Variants in SOS1 observed in about 807,000 individuals in gnomAD.
The protein encoded by SOS1 is SOS Ras/Rac guanine nucleotide exchange factor 1, also known as son of sevenless homolog 1.
A neutral mutation model predicts 157.6 loss-of-function variants in SOS1; 25 were observed. The ratio of observed to expected loss-of-function variants is 0.16; its 90% CI spans 0.12 to 0.22. The LOEUF is 0.22. Ranked by LOEUF, SOS1 falls within the 10% of genes least tolerant of loss-of-function variation. The pLI, the probability that SOS1 is intolerant of heterozygous loss-of-function variation, is 1.00. For missense variants in SOS1, 1,237 were observed against 1,599.1 expected (o/e 0.77, Z 3.86); for synonymous variants, 528 against 534.0 (o/e 0.99, Z 0.16).
intron 1 of SOS1, among the ~76,000 whole-genome samples, chr2:39,110,998 C>A (rs1019391979): frequency 6.6e-6 from 1 of 152,012 alleles, no homozygotes; most frequent in Non-Finnish European, 1.5e-5. Flanking sequence ...TTTGGGAGGG[C>A]GAGGCAGGTG....
At chr2:39,105,500 T>G (rs921454721) in intron 1 of SOS1, among the ~76,000 whole-genome samples, 2 of 152,170 alleles carry the variant, frequency 1.3e-5, no homozygotes, top group Non-Finnish European at 2.9e-5. Context: ...AGATTTTTTT[T>G]GAACACCACA....
intron 17 of SOS1, among the ~76,000 whole-genome samples, 181 bp from the exon 18 acceptor site, chr2:38,997,606 A>ATTTT (rs4015854): frequency 3.4e-5 from 5 of 146,340 alleles, no homozygotes; most frequent in Middle Eastern, 3.5e-3. Flanking sequence ...AAAGACTTAA[A>ATTTT]TTTTTTTTTT....
chr2:38,985,986 T>G lies in SOS1; in HGVS notation c.3840A>C (p.Gln1280His), dbSNP rs1668544183. The G allele has an allele frequency of 6.2e-7, 1 of 1,613,870 alleles. No individual in the cohort carries two copies. The highest frequency in any genetic ancestry group is 1.1e-5 in the South Asian group (1 of 91,086). The change falls in exon 23 of 23, where the codon CAA (glutamine) becomes CAC (histidine). Residue 1280 changes from glutamine to histidine, a missense_variant. Physicochemically the swap from Gln to His is conservative, Grantham distance 24 (BLOSUM62 0). Transcript: ENST00000402219. ...CAGCAATGGAATGAAGGTCCACTTCTTGTGTCAATGGTGGTGATGGCAGAT... is the reference window on the plus strand; with the variant it reads ...CAGCAATGGAATGAAGGTCCACTTCGTGTGTCAATGGTGGTGATGGCAGAT... ...RRHLPSPPLT[Q>H]EVDLHSIAGP...
At position 39,120,419 on chromosome 2, in the gene SOS1, G is replaced by C. The variant is rs587781174; in HGVS notation, c.4C>G (p.Gln2Glu). 6.3e-7 allele frequency: 1 copy of C among 1,587,484 alleles called. No individual in the cohort carries two copies. The highest frequency in any genetic ancestry group is 8.6e-7 in the Non-Finnish European group (1 of 1,168,894). The change falls in exon 1 of 23, where the codon CAG becomes GAG. Residue 2 changes from glutamine to glutamate, a missense_variant. Physicochemically the swap from Gln to Glu is conservative, Grantham distance 29 (BLOSUM62 2). This residue lies in a region of SOS1 where 99 missense variants were observed against 81.6 expected (regional missense o/e 1.21). Coordinates refer to ENST00000402219, the MANE Select transcript of SOS1 (RefSeq NM_005633.4). Reference sequence around the variant, plus strand: ...AACTCGTAGGGCAGCTGCTGCGCCTGCATGGTGCCCCCGGGGCGCCTCTGG... The same window carrying C: ...AACTCGTAGGGCAGCTGCTGCGCCTCCATGGTGCCCCCGGGGCGCCTCTGG... M[Q>E]AQQLPYEFFS...
At chr2:39,064,268 T>TA (rs1394052841) in intron 2 of SOS1, among the ~76,000 whole-genome samples, 1 of 152,218 alleles carries the variant, frequency 6.6e-6, no homozygotes, top group East Asian at 1.9e-4. Flanking sequence ...TTACCTCACA[T>TA]AGTTATTTTT....
chr2:39,054,872 T>C, intron 4 of SOS1, 49 bp from the exon 5 acceptor site: 2 of 981,536 alleles, frequency 2.0e-6, no homozygotes, highest in Admixed American at 1.8e-5. Flanking sequence ...GAAGCTTTCG[T>C]AGAATTTGAT....
At chr2:39,057,136 AG>A (rs1423645929) in intron 3 of SOS1, among the ~76,000 whole-genome samples, 3 of 152,198 alleles carry the variant, frequency 2.0e-5, no homozygotes, top group Non-Finnish European at 4.4e-5. Flanking sequence ...TAACCTATAA[AG>A]GAAGGCCCAA....
upstream of SOS1, among the ~76,000 whole-genome samples, chr2:39,123,065 C>T (rs1248950032): frequency 6.6e-6 from 1 of 152,188 alleles, no homozygotes; most frequent in African/African-American, 2.4e-5. Flanking sequence ...CCTCACCACA[C>T]TCCAGTCACA....
chr2:39,077,113 C>A (rs1672031440), intron 1 of SOS1, among the ~76,000 whole-genome samples: 1 of 152,056 alleles, frequency 6.6e-6, no homozygotes, highest in Non-Finnish European at 1.5e-5. Flanking sequence ...GAGGCCAAGG[C>A]AGGTGGATCA....
intron 17 of SOS1, among the ~76,000 whole-genome samples, chr2:39,004,568 A>G (rs1669224686): frequency 6.6e-6 from 1 of 152,126 alleles, no homozygotes; most frequent in Non-Finnish European, 1.5e-5. Flanking sequence ...AGAGTTAAAT[A>G]TAATTTTGAA....
chr2:38,991,653 C>G (rs905662123), intron 20 of SOS1, among the ~76,000 whole-genome samples: 8 of 152,188 alleles, frequency 5.3e-5, no homozygotes, highest in Non-Finnish European at 1.2e-4. Flanking sequence ...CACTTCTCTG[C>G]CCTGTCTTTG....
At chr2:39,113,259 T>C (rs1213522593) in intron 1 of SOS1, among the ~76,000 whole-genome samples, 4 of 151,912 alleles carry the variant, frequency 2.6e-5, no homozygotes, top group East Asian at 1.9e-4. Context: ...AGCCCAATCA[T>C]AGCTCACTGC....
At chr2:39,034,996 CAAAA>C (rs1283362109) in intron 8 of SOS1, 1 of 618,518 alleles carries the variant, frequency 1.6e-6, no homozygotes, top group East Asian at 2.9e-5. Context: ...AAACAAAAAA[CAAAA>C]AAATTAAAAA....
chr2:39,039,245 T>C (rs1470652020), intron 6 of SOS1, among the ~76,000 whole-genome samples: 2 of 152,254 alleles, frequency 1.3e-5, no homozygotes, highest in African/African-American at 2.4e-5. Context: ...TATTGTGACA[T>C]TCACTTTATT....
At chr2:39,102,245 C>T (rs552848929) in intron 1 of SOS1, among the ~76,000 whole-genome samples, 16 of 124,966 alleles carry the variant, frequency 1.3e-4, no homozygotes, top group African/African-American at 3.3e-4. Flanking sequence ...CACTTTGTCC[C>T]GGTGTGGTAG....
chr2:39,009,236 C>G (rs1394179833), intron 15 of SOS1, among the ~76,000 whole-genome samples: 2 of 151,844 alleles, frequency 1.3e-5, no homozygotes, highest in Non-Finnish European at 2.9e-5. Flanking sequence ...ACTGGATAAG[C>G]TCAATAGTAT....
In SOS1 at chr2:39,067,732, T is replaced by C. The variant is rs150565592; in HGVS notation, c.109A>G (p.Thr37Ala). 417 of 1,610,588 alleles carry C rather than the reference T, an allele frequency of 2.6e-4. No individual in the cohort carries two copies. The highest frequency in any genetic ancestry group is 3.2e-4 in the Non-Finnish European group (374 of 1,177,030). The change falls in exon 2 of 23, where the codon ACT (threonine) becomes GCT (alanine). Residue 37 changes from threonine to alanine, a missense_variant. Thr to Ala is a moderately conservative substitution (Grantham distance 58). Transcript: ENST00000402219. ...AGAGCATCATCATTAGACTCGAGAG[T>C]AGGATGAACTTGCCCCTGGACCTAT... ...LKKVQGQVHP[T>A]LESNDDALQY...
At chr2:39,043,878 C>T (rs770005160) in intron 6 of SOS1, among the ~76,000 whole-genome samples, 8 of 152,210 alleles carry the variant, frequency 5.3e-5, no homozygotes, top group Non-Finnish European at 1.2e-4. Flanking sequence ...TATGGGGACA[C>T]ATTGAAACCA....
chr2:39,029,724 CTCCTGTGGT>C (rs1670092099), intron 8 of SOS1, among the ~76,000 whole-genome samples: 4 of 152,134 alleles, frequency 2.6e-5, no homozygotes, highest in Non-Finnish European at 5.9e-5. Context: ...TTTACAATGG[CTCCTGTGGT>C]ACGCTATCCT....
Sources: gnomAD v4.1 joint callset for allele counts (sites outside exome capture counted in the v4.1 genomes callset) on GRCh38, gnomAD v4.1.1 for gene constraint, gnomAD v4.1.1 regional missense constraint, MANE v1.5 for transcripts, NCBI Gene and HGNC (gene_info 2026-07-23, HGNC 2026-07-21) for gene names.